GDPD1: variants seen among roughly 807,000 people sequenced by gnomAD.
GDPD1 encodes the protein lysophospholipase D GDPD1.
A neutral mutation model predicts 45.1 loss-of-function variants in GDPD1; 28 were observed. That is an observed-to-expected ratio of 0.62 (90% CI 0.46 to 0.85). The LOEUF (loss-of-function observed/expected upper bound fraction) is 0.85. Ranked by LOEUF, GDPD1 falls within the 40% of genes least tolerant of loss-of-function variation. GDPD1 has a pLI of 0.00. For synonymous variants in GDPD1, 139 were observed against 131.4 expected (o/e 1.06, Z -0.40); for missense variants, 256 against 364.8 (o/e 0.70, Z 2.43).
chr17:59,273,588 GTTATAAAAATAATTT>G, intron 9 of GDPD1, 48 bp from the exon 10 acceptor site: 2 of 948,428 alleles, frequency 2.1e-6, no homozygotes, highest in Non-Finnish European at 3.2e-6. Context: ...GATAAATACT[GTTATAAAAATAATTT>G]TCTATTTTAA....
intron 4 of GDPD1, among the ~76,000 whole-genome samples, chr17:59,250,861 G>A (rs983320071): frequency 1.2e-4 from 18 of 151,874 alleles, no homozygotes; most frequent in Admixed American, 9.9e-4. Flanking sequence ...CACCATACCC[G>A]ACTAATTTTT....
At chr17:59,261,708 A>T (rs181299946) in intron 6 of GDPD1, among the ~76,000 whole-genome samples, 1 of 151,462 alleles carries the variant, frequency 6.6e-6, no homozygotes, top group African/African-American at 2.4e-5. Context: ...TTTGTTGCCC[A>T]GGTTGATCCT....
At chr17:59,267,374 T>C (rs2047406920) in intron 7 of GDPD1, among the ~76,000 whole-genome samples, 200 bp downstream of exon 7, 2 of 152,218 alleles carry the variant, frequency 1.3e-5, no homozygotes, top group African/African-American at 4.8e-5. Context: ...TCTCAGATTA[T>C]GATTTTCTGT....
At chr17:59,265,534 AAT>A (rs1204165855) in intron 6 of GDPD1, among the ~76,000 whole-genome samples, 1 of 148,702 alleles carries the variant, frequency 6.7e-6, no homozygotes, top group African/African-American at 2.5e-5. Flanking sequence ...GACCCTGTCT[AAT>A]ATATATATAT....
Position 59,272,818 on chromosome 17 carries a change from A to T in GDPD1, c.804A>T (p.Leu268=). Residue 268 remains leucine (L), a synonymous_variant, in exon 9 of 10, where the codon CTA becomes CTT. Transcript: ENST00000284116. ...TGAGGAAAGCTTTGTTTGACCACCTAACTGCTCGAGGCATTCAAGTAAGTT... is the reference window on the plus strand; with the variant it reads ...TGAGGAAAGCTTTGTTTGACCACCTTACTGCTCGAGGCATTCAAGTAAGTT... ...LLMRKALFDH[L]TARGIQVYIW... 1 of 1,613,638 alleles carries T rather than the reference A, an allele frequency of 6.2e-7. No individual in the cohort carries two copies. The highest frequency in any genetic ancestry group is 1.1e-5 in the South Asian group (1 of 91,076).
At chr17:59,253,669 T>C (rs1435898864) in intron 4 of GDPD1, among the ~76,000 whole-genome samples, 1 of 152,196 alleles carries the variant, frequency 6.6e-6, no homozygotes, top group Non-Finnish European at 1.5e-5. Context: ...TACATGCATC[T>C]TACTTGACTG....
At chr17:59,222,618 G>A (rs574398681) in intron 1 of GDPD1, among the ~76,000 whole-genome samples, 3 of 123,296 alleles carry the variant, frequency 2.4e-5, no homozygotes, top group South Asian at 2.7e-4. Flanking sequence ...GTGTTCAAGC[G>A]ATTCTCCTGC....
At chr17:59,257,466 C>T (rs2047318300) in intron 5 of GDPD1, among the ~76,000 whole-genome samples, 1 of 152,100 alleles carries the variant, frequency 6.6e-6, no homozygotes, top group Non-Finnish European at 1.5e-5. Context: ...TTGTATGAAC[C>T]AATCATTCTG....
At chr17:59,267,289 G>C in intron 7 of GDPD1, 115 bp downstream of exon 7, 1 of 927,612 alleles carries the variant, frequency 1.1e-6, no homozygotes, top group Non-Finnish European at 1.6e-6. Context: ...TGATTTCCAT[G>C]TTCTATTACC....
chr17:59,274,399 G>A lies in GDPD1; in HGVS notation c.*626G>A, dbSNP rs1776996661. ...GTGGTGGTACACGTCTGTCATCCCA[G>A]CAGCTCTTAAGGCTGAGGCACAAGA... On this transcript the variant is annotated 3_prime_UTR_variant, in exon 10 of 10. Transcript: ENST00000284116. 1 of 151,082 alleles carries A rather than the reference G, an allele frequency of 6.6e-6. No individual in the cohort carries two copies. Among genetic ancestry groups the A allele is most frequent in the African/African-American group, 2.4e-5 (1 of 41,084 alleles). The allele number at this position is 151,082 out of a possible 1,614,324, so 9.4% of individuals were successfully genotyped here.
At position 59,220,529 on chromosome 17, in the gene GDPD1, C is replaced by A; in HGVS notation, c.-81C>A. The A allele has an allele frequency of 1.4e-6, 2 of 1,402,258 alleles. No homozygotes were observed. The highest frequency in any genetic ancestry group is 1.3e-5 in the South Asian group (1 of 76,800). 86.9% of individuals were successfully genotyped at this position (1,402,258 alleles called of 1,614,324 possible). A position where few individuals can be genotyped will look rare whatever the true frequency, so the allele number is the denominator to read the frequency against. Reference sequence around the variant, plus strand: ...TGGGGGCGAGCCGACCTCGAGCAGCCGCCGCCGCCGCCGTCGTTGCTACTG... The same window carrying A: ...TGGGGGCGAGCCGACCTCGAGCAGCAGCCGCCGCCGCCGTCGTTGCTACTG... On this transcript the variant is annotated 5_prime_UTR_variant, in exon 1 of 10. Transcript: ENST00000284116.
chr17:59,229,122 GTTATTATTATTATTATTATTATTA>G (rs71145540), intron 1 of GDPD1, among the ~76,000 whole-genome samples: 7 of 134,410 alleles, frequency 5.2e-5, no homozygotes, highest in African/African-American at 8.2e-5. Flanking sequence ...TCCTCAAATT[GTTATTATTATTATTATTATTATTA>G]TTATTATTAT....
chr17:59,234,564 CTT>C (rs1453356716), intron 2 of GDPD1, 30 bp downstream of exon 2: 2 of 1,501,192 alleles, frequency 1.3e-6, no homozygotes, highest in Non-Finnish European at 1.8e-6. Context: ...AAAAGGTACT[CTT>C]TTCTTTTACA....
intron 2 of GDPD1, among the ~76,000 whole-genome samples, chr17:59,237,881 C>T (rs574056241): frequency 8.1e-5 from 12 of 147,638 alleles, no homozygotes; most frequent in Non-Finnish European, 1.2e-4. Context: ...ACCAGCTTGG[C>T]GAACATGGCA....
chr17:59,231,406 A>C (rs982822619), intron 1 of GDPD1, among the ~76,000 whole-genome samples: 1 of 141,710 alleles, frequency 7.1e-6, no homozygotes, highest in Non-Finnish European at 1.5e-5. Flanking sequence ...AGCTCACTGC[A>C]AGCTCTGCCT....
intron 4 of GDPD1, among the ~76,000 whole-genome samples, chr17:59,256,019 A>C (rs112010527): frequency 4.1e-4 from 62 of 150,068 alleles, no homozygotes; most frequent in Admixed American, 1.3e-3. Context: ...ATCCTGTCTC[A>C]AAAAAACAAC....
intron 1 of GDPD1, among the ~76,000 whole-genome samples, chr17:59,231,533 A>G (rs908544603): frequency 6.6e-6 from 1 of 151,674 alleles, no homozygotes; most frequent in Non-Finnish European, 1.5e-5. Flanking sequence ...TCACCATGTT[A>G]GCCAGGATGG....
rs564540131 is a variant in GDPD1, at chr17:59,264,503, A to G, written c.577-2538A>G. Among the ~76,000 whole-genome samples the G allele has an allele frequency of 3.1e-3, 475 of 151,246 alleles. 4 individuals carry two copies. Among genetic ancestry groups the G allele is most frequent in the African/African-American group, 0.011 (454 of 41,156 alleles). ...GAGAGAGTTTCATCATGTTGGCCAGACTGGTCTCGAACTCCTGACCTCAAG... is the reference window on the plus strand; with the variant it reads ...GAGAGAGTTTCATCATGTTGGCCAGGCTGGTCTCGAACTCCTGACCTCAAG... On this transcript the variant is annotated intron_variant, in intron 6 of 9. Coordinates refer to ENST00000284116, the MANE Select transcript of GDPD1 (RefSeq NM_182569.4).
chr17:59,263,304 T>G (rs1176259724), intron 6 of GDPD1, among the ~76,000 whole-genome samples: 2 of 152,096 alleles, frequency 1.3e-5, no homozygotes, highest in South Asian at 4.1e-4. Flanking sequence ...AGTGCTGAGA[T>G]TAAGTCTATA....
Sources: allele counts gnomAD v4.1 joint callset (sites outside exome capture counted in the v4.1 genomes callset), GRCh38; gene constraint gnomAD v4.1.1; transcripts MANE v1.5; gene names NCBI Gene and HGNC (gene_info 2026-07-23, HGNC 2026-07-21).